The following KIAA0825 variants were observed in gnomAD, a reference collection of about 807,000 sequenced individuals.
KIAA0825 encodes the protein KIAA0825.
In KIAA0825, 119 loss-of-function variants were observed where a neutral mutation model predicts 147.6. The ratio of observed to expected loss-of-function variants is 0.81; its 90% CI spans 0.69 to 0.94. The LOEUF (loss-of-function observed/expected upper bound fraction) is 0.94. Among genes scored for constraint, KIAA0825 ranks in the 40% least tolerant of loss-of-function variants. KIAA0825 has a pLI of 0.00. For missense variants in KIAA0825, 1,381 were observed against 1,472.7 expected (o/e 0.94, Z 1.02); for synonymous variants, 470 against 518.1 (o/e 0.91, Z 1.26).
chr5:94,471,448 A>G lies in KIAA0825; in HGVS notation c.1721+18T>C, dbSNP rs1761208568. 6 of 1,549,008 alleles carry G rather than the reference A, an allele frequency of 3.9e-6. No individual in the cohort carries two copies. In the South Asian group the frequency reaches 6.0e-5, roughly 15 times the overall value. ...TTTCTTTAAGCGTGGCCATCATCTT[A>G]ATTTAAACAACACTCACTTTTTAGT... On this transcript the variant is annotated intron_variant, in intron 9 of 20. Coordinates refer to ENST00000682413, the MANE Select transcript of KIAA0825 (RefSeq NM_001145678.3).
intron 14 of KIAA0825, among the ~76,000 whole-genome samples, chr5:94,427,519 G>T (rs1201165501): frequency 6.6e-6 from 1 of 152,132 alleles, no homozygotes; most frequent in South Asian, 2.1e-4. Flanking sequence ...CTGGGTGAGA[G>T]TGCAAGACCC....
rs555219181 is a variant in KIAA0825 at position 94,411,818 on chromosome 5, G to T, written c.2662+5383C>A. Among the ~76,000 whole-genome samples the T allele has an allele frequency of 1.0e-3, 152 of 151,978 alleles. 1 individual carries two copies. The highest frequency in any genetic ancestry group is 3.4e-3 in the African/African-American group (143 of 41,460). ...AAAAATTATCCAGGCGTGGTGGCTCGTGCCTGTAGTCCCAGCTACTTGGGA... is the reference window on the plus strand; with the variant it reads ...AAAAATTATCCAGGCGTGGTGGCTCTTGCCTGTAGTCCCAGCTACTTGGGA... On this transcript the variant is annotated intron_variant, in intron 15 of 20. Coordinates refer to ENST00000682413, the MANE Select transcript of KIAA0825 (RefSeq NM_001145678.3).
chr5:94,199,380 T>G (rs1771448106), intron 20 of KIAA0825, among the ~76,000 whole-genome samples: 3 of 152,196 alleles, frequency 2.0e-5, no homozygotes, highest in Admixed American at 2.0e-4. Flanking sequence ...GGCTTTGTTC[T>G]CTGGTCCCTC....
At chr5:94,424,855 T>C (rs1467352588) in intron 14 of KIAA0825, among the ~76,000 whole-genome samples, 1 of 152,178 alleles carries the variant, frequency 6.6e-6, no homozygotes, top group Non-Finnish European at 1.5e-5. Flanking sequence ...GAGATTATTA[T>C]GAATAGCTAT....
chr5:94,425,829 C>T (rs1413835587), intron 14 of KIAA0825, among the ~76,000 whole-genome samples: 2 of 151,920 alleles, frequency 1.3e-5, no homozygotes, highest in Admixed American at 6.6e-5. Context: ...AAGATGATAG[C>T]TCATGGCATG....
intron 6 of KIAA0825, among the ~76,000 whole-genome samples, chr5:94,480,821 T>C (rs909382220): frequency 6.6e-6 from 1 of 152,090 alleles, no homozygotes; most frequent in Non-Finnish European, 1.5e-5. Flanking sequence ...CTTTAAAATA[T>C]AATCCCTCTC....
intron 2 of KIAA0825, among the ~76,000 whole-genome samples, chr5:94,563,104 G>A (rs751469400): frequency 5.9e-5 from 9 of 152,012 alleles, no homozygotes; most frequent in Non-Finnish European, 1.2e-4. Context: ...CACTTTGGGA[G>A]GCCGAGGTGG....
At chr5:94,261,329 AATAC>A (rs1010716997) in intron 20 of KIAA0825, among the ~76,000 whole-genome samples, 11 of 152,166 alleles carry the variant, frequency 7.2e-5, no homozygotes, top group Non-Finnish European at 1.2e-4. Context: ...AAAATAAATA[AATAC>A]ATACATACAT....
In KIAA0825 at chr5:94,464,862, C is replaced by A. The variant is rs1241877000; in HGVS notation, c.2063+7G>T. 6.5e-7 allele frequency: 1 copy of A among 1,538,724 alleles called. No homozygotes were observed. Among genetic ancestry groups the A allele is most frequent in the Non-Finnish European group, 8.8e-7 (1 of 1,142,074 alleles). ...TGAAAAGCAATGTTTTTCAGAACTT[C>A]AATTACCTTAACTGTGGAGTTCTTT... On this transcript the variant is annotated splice_region_variant and intron_variant, in intron 11 of 20. Coordinates refer to ENST00000682413, the MANE Select transcript of KIAA0825 (RefSeq NM_001145678.3).
At position 94,265,704 on chromosome 5, in the gene KIAA0825, G is replaced by A. The variant is rs775744288; in HGVS notation, c.3711-111580C>T. 9.2e-5 allele frequency among the ~76,000 whole-genome samples: 14 copies of A among 152,290 alleles called. No homozygotes were observed. In the South Asian group the frequency reaches 1.5e-3, roughly 16 times the overall value. On this transcript the variant is annotated intron_variant, in intron 20 of 20. Transcript: ENST00000682413. ...TAATCCCAGCTACTCAGGAGGCTGA[G>A]GCAGGAGAATTGCTTGAACCCGGGA... is the stretch of plus-strand genomic sequence containing the variant.
chr5:94,498,017 T>C (rs917027367), intron 5 of KIAA0825, among the ~76,000 whole-genome samples: 6 of 152,306 alleles, frequency 3.9e-5, no homozygotes, highest in South Asian at 2.1e-4. Flanking sequence ...GGGGGAAATA[T>C]TCTTCTAGGT....
chr5:94,520,336 A>G lies in KIAA0825; in HGVS notation c.882T>C (p.Phe294=). 1 of 1,613,560 alleles carries G rather than the reference A, an allele frequency of 6.2e-7. No homozygotes were observed. Among genetic ancestry groups the G allele is most frequent in the Non-Finnish European group, 8.5e-7 (1 of 1,179,564 alleles). ...CATTTTCTCTGAACTGCAGCTCACAAAAATTTTCAAGAAATTTTGCCATTT... is the reference window on the plus strand; with the variant it reads ...CATTTTCTCTGAACTGCAGCTCACAGAAATTTTCAAGAAATTTTGCCATTT... ...TEEMAKFLEN[F]CELQFRENAV... Residue 294 remains phenylalanine (F), a synonymous_variant, in exon 5 of 21, where the codon TTT becomes TTC. Transcript: ENST00000682413.
At chr5:94,478,451 TCACACACACACACA>T (rs6149119) in intron 6 of KIAA0825, among the ~76,000 whole-genome samples, 1 of 146,144 alleles carries the variant, frequency 6.8e-6, no homozygotes, top group Non-Finnish European at 1.5e-5. Flanking sequence ...CACATGTGCA[TCACACACACACACA>T]CACACACACA....
chr5:94,586,088 A>G (rs10072760), intron 1 of KIAA0825, among the ~76,000 whole-genome samples: 55,866 of 151,992 alleles, frequency 0.37, 11,164 homozygotes, highest in African/African-American at 0.49. Context: ...GAGAAAGCAG[A>G]AAAGATCTAA....
chr5:94,261,294 G>T (rs1191351688), intron 20 of KIAA0825, among the ~76,000 whole-genome samples: 1 of 152,090 alleles, frequency 6.6e-6, no homozygotes, highest in Non-Finnish European at 1.5e-5. Flanking sequence ...GATGGAGTGA[G>T]AGTCTGTTTC....
chr5:94,296,604 G>C (rs1778150078), intron 20 of KIAA0825, among the ~76,000 whole-genome samples: 2 of 152,160 alleles, frequency 1.3e-5, no homozygotes, highest in Admixed American at 1.3e-4. Flanking sequence ...CTGGGCCGGA[G>C]TGCACCGTTC....
Position 94,151,391 on chromosome 5 carries a change from T to G in KIAA0825, c.*2616A>C, listed in dbSNP as rs1421406609. ...GAGATTGCGCCACTGCAGTCCGCAG[T>G]CCGGCCTGGGCGACAGAGCGAGACT... On this transcript the variant is annotated 3_prime_UTR_variant, in exon 21 of 21. Coordinates refer to ENST00000682413, the MANE Select transcript of KIAA0825 (RefSeq NM_001145678.3). Among the ~76,000 whole-genome samples, 2 of 118,752 alleles carry G rather than the reference T, an allele frequency of 1.7e-5. No homozygotes were observed. Among genetic ancestry groups the G allele is most frequent in the East Asian group, 5.2e-4 (2 of 3,860 alleles). The allele number at this position is 118,752 out of a possible 152,430, so 77.9% of individuals were successfully genotyped here.
At chr5:94,496,666 A>G (rs922316773) in intron 5 of KIAA0825, among the ~76,000 whole-genome samples, 2 of 152,114 alleles carry the variant, frequency 1.3e-5, no homozygotes, top group Non-Finnish European at 1.5e-5. Context: ...GGGGCTGCAA[A>G]GTCATATTTG....
chr5:94,181,669 G>A (rs961134999), intron 20 of KIAA0825, among the ~76,000 whole-genome samples: 1 of 152,170 alleles, frequency 6.6e-6, no homozygotes, highest in Non-Finnish European at 1.5e-5. Context: ...CAGCCGGGAG[G>A]ATAGCTAGGA....
Sources: gnomAD v4.1 joint callset for allele counts (sites outside exome capture counted in the v4.1 genomes callset) on GRCh38, gnomAD v4.1.1 for gene constraint, MANE v1.5 for transcripts, NCBI Gene and HGNC (gene_info 2026-07-23, HGNC 2026-07-21) for gene names.